Variants in DBX2 observed in about 807,000 individuals in gnomAD.
DBX2 encodes the protein developing brain homeobox 2.
A neutral mutation model predicts 17.7 loss-of-function variants in DBX2; 16 were observed. The observed-to-expected ratio is 0.90, with a 90% confidence interval of 0.61 to 1.37. DBX2 has a LOEUF of 1.37. DBX2 is among the 40% of genes most tolerant of loss of function. DBX2 has a pLI of 0.00. For synonymous variants in DBX2, 255 were observed against 183.8 expected, an observed-to-expected ratio of 1.39 and a Z score of -3.13; for missense variants, 538 against 433.8, an observed-to-expected ratio of 1.24 and a Z score of -2.13.
chr12:45,045,318 A>G (rs1946493933), intron 1 of DBX2, among the ~76,000 whole-genome samples: 1 of 152,238 alleles, frequency 6.6e-6, no homozygotes, highest in Non-Finnish European at 1.5e-5. Context: ...AAGGGCTGCA[A>G]AGCAAGACCC....
chr12:45,035,410 TG>T (rs1946434624), intron 2 of DBX2, among the ~76,000 whole-genome samples: 1 of 152,198 alleles, frequency 6.6e-6, no homozygotes, highest in Admixed American at 6.5e-5. Flanking sequence ...TGTGAGAGTG[TG>T]TGTGTGCACA....
intron 3 of DBX2, 98 bp from the exon 4 acceptor site, chr12:45,016,716 T>C: frequency 5.1e-6 from 6 of 1,183,232 alleles, no homozygotes; most frequent in Middle Eastern, 2.7e-4. Flanking sequence ...TTCTACAGAA[T>C]ACCTTATTAT....
At chr12:45,047,583 G>T (rs1418897989) in intron 1 of DBX2, among the ~76,000 whole-genome samples, 1 of 152,072 alleles carries the variant, frequency 6.6e-6, no homozygotes, top group Non-Finnish European at 1.5e-5. Context: ...GTAAATCTGT[G>T]TTACTGTGTT....
chr12:45,041,065 T>C (rs1406279907), intron 1 of DBX2, among the ~76,000 whole-genome samples: 3 of 147,750 alleles, frequency 2.0e-5, no homozygotes, highest in Non-Finnish European at 3.0e-5. Context: ...AAAAAAAACC[T>C]CTAGGAAAGA....
At chr12:45,045,139 C>G (rs898584890) in intron 1 of DBX2, among the ~76,000 whole-genome samples, 1 of 152,046 alleles carries the variant, frequency 6.6e-6, no homozygotes, top group Non-Finnish European at 1.5e-5. Context: ...TTACAACTTG[C>G]CTTTTTATTC....
chr12:45,027,994 G>T (rs1363324378), intron 2 of DBX2, among the ~76,000 whole-genome samples: 2 of 152,230 alleles, frequency 1.3e-5, no homozygotes, highest in African/African-American at 2.4e-5. Flanking sequence ...CGCTGAGTTA[G>T]GATGGTCAGC....
At chr12:45,044,571 A>G (rs1486626225) in intron 1 of DBX2, among the ~76,000 whole-genome samples, 3 of 152,186 alleles carry the variant, frequency 2.0e-5, no homozygotes, top group Non-Finnish European at 4.4e-5. Flanking sequence ...TGAAAAATCT[A>G]GTCATCTGTG....
rs1946321645 is a variant in DBX2, at chr12:45,016,121, G to A, written c.*165C>T. 1 of 651,424 alleles carries A rather than the reference G, an allele frequency of 1.5e-6. No individual in the cohort carries two copies. The highest frequency in any genetic ancestry group is 2.4e-6 in the Non-Finnish European group (1 of 419,378). The allele number at this position is 651,424 out of a possible 1,614,324, so 40.4% of individuals were successfully genotyped here. A position where few individuals can be genotyped will look rare whatever the true frequency, so the allele number is the denominator to read the frequency against. On this transcript the variant is annotated 3_prime_UTR_variant, in exon 4 of 4. Transcript: ENST00000332700. Reference sequence around the variant, plus strand: ...CACTTACAAATTAAGCCTGAGTCTAGGGCCAAACAAGAGAACACTAGAGTG... The same window carrying A: ...CACTTACAAATTAAGCCTGAGTCTAAGGCCAAACAAGAGAACACTAGAGTG...
intron 3 of DBX2, among the ~76,000 whole-genome samples, chr12:45,019,808 A>T (rs1946342160): frequency 6.6e-6 from 1 of 152,148 alleles, no homozygotes; most frequent in South Asian, 2.1e-4. Context: ...ACACATTATC[A>T]GTAGCATTAT....
chr12:45,030,106 G>C (rs992628010), intron 2 of DBX2, among the ~76,000 whole-genome samples: 2 of 151,966 alleles, frequency 1.3e-5, no homozygotes, highest in Non-Finnish European at 2.9e-5. Flanking sequence ...AGGAGGGGAG[G>C]TTGGGGGAGA....
At chr12:45,033,057 G>A (rs1265348772) in intron 2 of DBX2, among the ~76,000 whole-genome samples, 3 of 152,100 alleles carry the variant, frequency 2.0e-5, no homozygotes, top group Non-Finnish European at 4.4e-5. Flanking sequence ...TAAGCGTTGT[G>A]CTTAAATAGC....
chr12:45,015,583 G>T lies in DBX2; in HGVS notation c.*703C>A, dbSNP rs1946318810. The T allele has an allele frequency of 6.6e-6, 1 of 152,100 alleles. No individual in the cohort carries two copies. Among genetic ancestry groups the T allele is most frequent in the Non-Finnish European group, 1.5e-5 (1 of 68,026 alleles). The allele number at this position is 152,100 out of a possible 1,614,324, so 9.4% of individuals were successfully genotyped here. ...CAAAAAATAATTATTAGTTAAATGG[G>T]TCTCTCCCTCATGATGGCCCGATGG... On this transcript the variant is annotated 3_prime_UTR_variant, in exon 4 of 4. Transcript: ENST00000332700.
Position 45,035,172 on chromosome 12 carries a change from C to T in DBX2, c.499+847G>A, listed in dbSNP as rs184695946. ...GAGGCAGCAGCGATCTGAATTCAAC[C>T]GTGATGGGGTTCGGCACAAGAGCCT... On this transcript the variant is annotated intron_variant, in intron 2 of 3. Coordinates refer to ENST00000332700, the MANE Select transcript of DBX2 (RefSeq NM_001004329.3). 2.4e-3 allele frequency among the ~76,000 whole-genome samples: 370 copies of T among 152,328 alleles called. 1 individual carries two copies. Among genetic ancestry groups the T allele is most frequent in the Non-Finnish European group, 4.6e-3 (314 of 68,030 alleles).
At chr12:45,037,956 C>T (rs1321352510) in intron 1 of DBX2, among the ~76,000 whole-genome samples, 1 of 151,704 alleles carries the variant, frequency 6.6e-6, no homozygotes, top group African/African-American at 2.4e-5. Flanking sequence ...AAAAAGGAAA[C>T]CAATTCTGAT....
intron 3 of DBX2, 134 bp downstream of exon 3, chr12:45,023,573 T>A: frequency 9.3e-7 from 1 of 1,070,286 alleles, no homozygotes; most frequent in Non-Finnish European, 1.4e-6. Flanking sequence ...AAATATTTGC[T>A]AAATAAATGG....
At position 45,050,559 on chromosome 12, in the gene DBX2, C is replaced by T. The variant is rs748514225; in HGVS notation, c.369G>A (p.Gly123=). 6.4e-7 allele frequency: 1 copy of T among 1,552,782 alleles called. No individual in the cohort carries two copies. The highest frequency in any genetic ancestry group is 8.7e-7 in the Non-Finnish European group (1 of 1,149,028). Residue 123 remains glycine, a synonymous_variant, in exon 1 of 4, where the codon GGG becomes GGA. Transcript: ENST00000332700. ...AAGGCTGGAAGGTACAGTCTCGGTC[C>T]CCCGGAGCCCGGCCCGGCAGCCTCG... ...DSARLPGRAP[G]DRDCTFQPSA... is the part of the protein sequence containing the mutation.
intron 3 of DBX2, among the ~76,000 whole-genome samples, chr12:45,022,356 C>T (rs895702787): frequency 8.7e-5 from 11 of 126,176 alleles, no homozygotes; most frequent in South Asian, 2.7e-4. Flanking sequence ...CAGGCTGGAG[C>T]GCAATGGCAT....
intron 1 of DBX2, among the ~76,000 whole-genome samples, chr12:45,046,713 G>C (rs559121380): frequency 6.6e-6 from 1 of 152,218 alleles, no homozygotes; most frequent in East Asian, 1.9e-4. Context: ...AATAGTTTCA[G>C]ACAGTCAACA....
rs1468770718 is a variant in DBX2 at position 45,031,223 on chromosome 12, T to TGAGAGAGAGAGA, written c.499+4795_499+4796insTCTCTCTCTCTC. Among the ~76,000 whole-genome samples, 164 of 44,206 alleles carry TGAGAGAGAGAGA rather than the reference T, an allele frequency of 3.7e-3. 1 individual carries two copies. Among genetic ancestry groups the TGAGAGAGAGAGA allele is most frequent in the Non-Finnish European group, 6.1e-3 (133 of 21,832 alleles). The allele number at this position is 44,206 out of a possible 152,430, so 29.0% of individuals were successfully genotyped here. On this transcript the variant is annotated intron_variant, in intron 2 of 3. Transcript: ENST00000332700. Reference sequence around the variant, plus strand: ...GTGTGTGTGTGTGTGTGTGTGTGTGTGTGAGAGAGAGAGAGAGAGAGAGAG... The same window carrying TGAGAGAGAGAGA: ...GTGTGTGTGTGTGTGTGTGTGTGTGTGAGAGAGAGAGAGTGAGAGAGAGAGAGAGAGAGAGAG...
Sources: gnomAD v4.1 joint callset for allele counts (sites outside exome capture counted in the v4.1 genomes callset) on GRCh38, gnomAD v4.1.1 for gene constraint, MANE v1.5 for transcripts, NCBI Gene and HGNC (gene_info 2026-07-23, HGNC 2026-07-21) for gene names.